SRGAP3: variants seen among roughly 807,000 people sequenced by gnomAD.
SRGAP3 encodes the protein SLIT-ROBO Rho GTPase-activating protein 3.
In SRGAP3, 39 loss-of-function variants were observed where a neutral mutation model predicts 121.1. The ratio of observed to expected loss-of-function variants is 0.32; its 90% CI spans 0.25 to 0.42. The LOEUF is 0.42. Among genes scored for constraint, SRGAP3 ranks in the 10% least tolerant of loss-of-function variants. The pLI is 1.00. For synonymous variants in SRGAP3, 601 were observed against 570.0 expected (o/e 1.05, Z -0.77); for missense variants, 1,213 against 1,470.6 (o/e 0.82, Z 2.86).
chr3:9,092,967 C>G (rs949828640), intron 3 of SRGAP3, among the ~76,000 whole-genome samples: 1 of 152,108 alleles, frequency 6.6e-6, no homozygotes, highest in East Asian at 1.9e-4. Context: ...CATATTCTCT[C>G]TCTCTCTCTC....
intron 1 of SRGAP3, among the ~76,000 whole-genome samples, chr3:9,161,459 G>T (rs1950596206): frequency 6.6e-6 from 1 of 152,198 alleles, no homozygotes; most frequent in Non-Finnish European, 1.5e-5. Flanking sequence ...TCTTCACATT[G>T]CCTCTAAGCT....
chr3:9,165,687 C>T (rs531696274), intron 1 of SRGAP3, among the ~76,000 whole-genome samples: 2 of 152,276 alleles, frequency 1.3e-5, no homozygotes, highest in African/African-American at 4.8e-5. Context: ...CTCCTCCTTG[C>T]CACCTCCACC....
At chr3:9,220,323 CAATT>C (rs1449826112) in intron 1 of SRGAP3, among the ~76,000 whole-genome samples, 1 of 138,726 alleles carries the variant, frequency 7.2e-6, no homozygotes, top group Non-Finnish European at 1.6e-5. Context: ...TATTATGCAT[CAATT>C]AAAGCAATTT....
At chr3:9,265,265 A>C (rs778465024) in intron 3 of SRGAP3, among the ~76,000 whole-genome samples, 9 of 152,258 alleles carry the variant, frequency 5.9e-5, no homozygotes, top group Non-Finnish European at 1.2e-4. Flanking sequence ...TAAAACCATA[A>C]AAACTCTACA....
intron 11 of SRGAP3, chr3:9,035,377 C>G (rs1944698317): frequency 5.9e-6 from 1 of 169,290 alleles, no homozygotes; most frequent in African/African-American, 2.4e-5. Flanking sequence ...ATCCAGAAAG[C>G]AAAGGACTGT....
At chr3:9,242,856 T>C (rs1055080993) in intron 1 of SRGAP3, among the ~76,000 whole-genome samples, 3 of 152,062 alleles carry the variant, frequency 2.0e-5, no homozygotes, top group African/African-American at 7.2e-5. Flanking sequence ...GGCTAATTTT[T>C]GTATTTTTTG....
chr3:9,044,604 G>A (rs1302582949), intron 10 of SRGAP3, among the ~76,000 whole-genome samples: 2 of 152,150 alleles, frequency 1.3e-5, no homozygotes, highest in Non-Finnish European at 2.9e-5. Flanking sequence ...ATAAAGAAGG[G>A]CTACTGTACT....
intron 3 of SRGAP3, among the ~76,000 whole-genome samples, chr3:9,321,547 A>G (rs1387995221): frequency 1.3e-5 from 2 of 151,936 alleles, no homozygotes; most frequent in Non-Finnish European, 2.9e-5. Context: ...CCATGAGCAT[A>G]GAAGTGGGAA....
intron 1 of SRGAP3, chr3:9,348,527 G>A (rs1347807615): frequency 6.2e-5 from 47 of 757,040 alleles, no homozygotes; most frequent in South Asian, 3.4e-4. Context: ...GTACAACACC[G>A]ACCTGAGCCC....
intron 1 of SRGAP3, among the ~76,000 whole-genome samples, chr3:9,167,448 C>A (rs1285460203): frequency 1.3e-5 from 2 of 152,228 alleles, no homozygotes; most frequent in African/African-American, 4.8e-5. Context: ...TCCCCTGCAG[C>A]AACCCTCCCC....
intron 7 of SRGAP3, among the ~76,000 whole-genome samples, chr3:9,056,697 G>A (rs1163213280): frequency 2.0e-5 from 3 of 152,220 alleles, no homozygotes; most frequent in Non-Finnish European, 4.4e-5. Flanking sequence ...CCACCTAAGA[G>A]AAGCCAATGG....
At chr3:9,072,126 C>T (rs549091437) in intron 4 of SRGAP3, among the ~76,000 whole-genome samples, 5 of 152,296 alleles carry the variant, frequency 3.3e-5, no homozygotes, top group Admixed American at 6.5e-5. Context: ...TGATCCCAAC[C>T]GGCCAGGCTC....
At chr3:9,185,879 A>C (rs1320541025) in intron 1 of SRGAP3, among the ~76,000 whole-genome samples, 1 of 152,182 alleles carries the variant, frequency 6.6e-6, no homozygotes, top group Non-Finnish European at 1.5e-5. Flanking sequence ...AAAGATTAGA[A>C]ACAGACTGTA....
intron 3 of SRGAP3, among the ~76,000 whole-genome samples, chr3:9,274,355 G>C (rs1452879191): frequency 1.3e-5 from 2 of 152,246 alleles, no homozygotes; most frequent in Non-Finnish European, 2.9e-5. Flanking sequence ...AGCACTGACA[G>C]GAGTGAATTC....
At chr3:9,309,095 G>A (rs1955202141) in intron 3 of SRGAP3, among the ~76,000 whole-genome samples, 1 of 152,192 alleles carries the variant, frequency 6.6e-6, no homozygotes, top group Non-Finnish European at 1.5e-5. Context: ...GTCCCCTCAG[G>A]ATGCTCCTTT....
chr3:9,058,716 T>C (rs867058251), intron 6 of SRGAP3: 40 of 41,604 alleles, frequency 9.6e-4, no homozygotes, highest in Middle Eastern at 0.012. Flanking sequence ...CTCTCTCTCT[T>C]TTTTTTTTTT....
At chr3:9,017,765 T>C (rs1479847948) in intron 14 of SRGAP3, among the ~76,000 whole-genome samples, 1 of 152,236 alleles carries the variant, frequency 6.6e-6, no homozygotes, top group East Asian at 1.9e-4. Context: ...ATGGTGTACA[T>C]GTAACTGTTA....
At chr3:9,261,324 G>C (rs988794154) in intron 3 of SRGAP3, among the ~76,000 whole-genome samples, 28 of 152,108 alleles carry the variant, frequency 1.8e-4, no homozygotes, top group African/African-American at 6.7e-4. Flanking sequence ...CACAAGCAAG[G>C]GAACAAAGCT....
intron 1 of SRGAP3, among the ~76,000 whole-genome samples, chr3:9,199,406 T>TC (rs1952006684): frequency 6.6e-6 from 1 of 151,772 alleles, no homozygotes; most frequent in Admixed American, 6.6e-5. Flanking sequence ...CTGACTGAGA[T>TC]TTTTTTTTAA....
Sources: allele counts gnomAD v4.1 joint callset (sites outside exome capture counted in the v4.1 genomes callset), GRCh38; gene constraint gnomAD v4.1.1; transcripts MANE v1.5; gene names NCBI Gene and HGNC (gene_info 2026-07-23, HGNC 2026-07-21).